The following ATP10B variants were observed in gnomAD, a reference collection of about 807,000 sequenced individuals.
ATP10B encodes phospholipid-transporting ATPase VB.
A neutral mutation model predicts 141.2 loss-of-function variants in ATP10B; 122 were observed. The observed-to-expected ratio is 0.86, with a 90% confidence interval of 0.75 to 1.00. ATP10B has a LOEUF of 1.00. Among genes scored for constraint, ATP10B ranks in the 50% least tolerant of loss-of-function variants. The pLI is 0.00. For missense variants in ATP10B, 1,876 were observed against 1,825.3 expected, an observed-to-expected ratio of 1.03 and a Z score of -0.51; for synonymous variants, 685 against 692.0, an observed-to-expected ratio of 0.99 and a Z score of 0.16.
chr5:160,624,458 A>G (rs1179685565), intron 13 of ATP10B, among the ~76,000 whole-genome samples: 3 of 152,242 alleles, frequency 2.0e-5, no homozygotes, highest in Non-Finnish European at 2.9e-5. Context: ...ACTTCCAGAA[A>G]AAAAGTCTAC....
At chr5:160,771,461 G>A (rs998888447) in intron 2 of ATP10B, among the ~76,000 whole-genome samples, 1 of 152,110 alleles carries the variant, frequency 6.6e-6, no homozygotes, top group Non-Finnish European at 1.5e-5. Flanking sequence ...TTCATGAGCT[G>A]CTAATAAAAG....
rs200715945 is a variant in ATP10B at position 160,565,641 on chromosome 5, C to T, written c.4198G>A (p.Glu1400Lys). 7.9e-5 allele frequency: 127 copies of T among 1,613,958 alleles called. No homozygotes were observed. Among genetic ancestry groups the T allele is most frequent in the Middle Eastern group, 1.6e-4 (1 of 6,082 alleles). Reference sequence around the variant, plus strand: ...ATGCACTCCGTGCCACATCTCTGTTCGTGGAGTACTGACTCTTCCACATGC... The same window carrying T: ...ATGCACTCCGTGCCACATCTCTGTTTGTGGAGTACTGACTCTTCCACATGC... ...RKHVEESVLH[E>K]QRCGTECMRD... The change falls in exon 26 of 26, where the codon GAA becomes AAA. Residue 1400 changes from glutamate to lysine, a missense_variant. Glu to Lys is a moderately conservative substitution (Grantham distance 56, BLOSUM62 1). Transcript: ENST00000327245.
intron 24 of ATP10B, among the ~76,000 whole-genome samples, chr5:160,577,800 A>AT (rs375933061): frequency 2.9e-4 from 44 of 149,278 alleles, no homozygotes; most frequent in Admixed American, 4.7e-4. Flanking sequence ...AAACTTTATG[A>AT]TTTTTTTTTT....
At chr5:160,567,912 G>A (rs1035939942) in intron 25 of ATP10B, among the ~76,000 whole-genome samples, 1 of 152,190 alleles carries the variant, frequency 6.6e-6, no homozygotes, top group Non-Finnish European at 1.5e-5. Flanking sequence ...TCTATTGGTA[G>A]TAGTGGCTGT....
At chr5:160,834,810 C>T (rs1041630994) in intron 1 of ATP10B, among the ~76,000 whole-genome samples, 6 of 152,054 alleles carry the variant, frequency 3.9e-5, no homozygotes, top group African/African-American at 1.2e-4. Flanking sequence ...ACATGACAGG[C>T]TTTTTCCTTG....
Position 160,852,130 on chromosome 5 carries a change from G to C in ATP10B, c.-765C>G, listed in dbSNP as rs189135955. On this transcript the variant is annotated 5_prime_UTR_variant, in exon 1 of 26. The change creates a new upstream start codon in the 5' untranslated region. Transcript: ENST00000327245. The stretch of plus-strand genomic sequence containing the variant: ...AACACTCCCTCAGAAACTTAGAGAA[G>C]ATGACACACTGAAAAGAAATAACTG... The C allele has an allele frequency of 6.6e-5, 10 of 152,234 alleles. No homozygotes were observed. In the East Asian group the frequency reaches 1.4e-3, roughly 21 times the overall value. The allele number at this position is 152,234 out of a possible 1,614,324, so 9.4% of individuals were successfully genotyped here. A position where few individuals can be genotyped will look rare whatever the true frequency, so the allele number is the denominator to read the frequency against.
At position 160,592,604 on chromosome 5, in the gene ATP10B, G is replaced by A. The variant is rs563403410; in HGVS notation, c.3565-1465C>T. Among the ~76,000 whole-genome samples the A allele has an allele frequency of 2.6e-5, 4 of 152,342 alleles. No individual in the cohort carries two copies. The East Asian group carries it at 5.8e-4, about 22-fold the overall frequency. Reference sequence around the variant, plus strand: ...GTGCACCATGCACGAGCCAAAGCAGGGCGAGGCATTGCCTCATTCGGGAAG... The same window carrying A: ...GTGCACCATGCACGAGCCAAAGCAGAGCGAGGCATTGCCTCATTCGGGAAG... On this transcript the variant is annotated intron_variant, in intron 22 of 25. Transcript: ENST00000327245.
chr5:160,680,282 C>T (rs1179430531), intron 6 of ATP10B, among the ~76,000 whole-genome samples: 1 of 150,642 alleles, frequency 6.6e-6, no homozygotes, highest in Non-Finnish European at 1.5e-5. Flanking sequence ...GATGTAATTT[C>T]TTATGTTGCT....
At chr5:160,801,213 G>T (rs1772351078) in intron 1 of ATP10B, among the ~76,000 whole-genome samples, 1 of 152,146 alleles carries the variant, frequency 6.6e-6, no homozygotes, top group Admixed American at 6.5e-5. Flanking sequence ...CCCTACTGGG[G>T]CTAAAATGAC....
chr5:160,655,278 A>G (rs1761404214), intron 7 of ATP10B, among the ~76,000 whole-genome samples: 1 of 152,024 alleles, frequency 6.6e-6, no homozygotes, highest in African/African-American at 2.4e-5. Flanking sequence ...TTTTATTTTT[A>G]AGCATTTAAA....
chr5:160,697,768 T>G (rs1764456429), intron 3 of ATP10B, among the ~76,000 whole-genome samples: 1 of 152,132 alleles, frequency 6.6e-6, no homozygotes, highest in African/African-American at 2.4e-5. Context: ...AATGGGCCTT[T>G]GTGGGAAAGG....
At chr5:160,927,820 G>T in the ATP10B span, among the ~76,000 whole-genome samples, 4 of 152,222 alleles carry the variant, frequency 2.6e-5, no homozygotes, top group Non-Finnish European at 2.9e-5. Context: ...ATTGTGATAG[G>T]CATTATGAAA....
chr5:160,718,903 G>A (rs1448509870), intron 2 of ATP10B, among the ~76,000 whole-genome samples: 2 of 152,146 alleles, frequency 1.3e-5, no homozygotes, highest in Non-Finnish European at 2.9e-5. Context: ...CGTGAACAGG[G>A]ACTACGTCTG....
At chr5:160,580,337 C>A (rs1755462614) in intron 24 of ATP10B, among the ~76,000 whole-genome samples, 1 of 152,148 alleles carries the variant, frequency 6.6e-6, no homozygotes, top group Non-Finnish European at 1.5e-5. Flanking sequence ...AGATACGTTC[C>A]ATCAATACCT....
chr5:160,822,148 C>T (rs1406064718), intron 1 of ATP10B, among the ~76,000 whole-genome samples: 1 of 151,902 alleles, frequency 6.6e-6, no homozygotes, highest in East Asian at 1.9e-4. Context: ...ATATAAGGAG[C>T]TCAAACAACT....
At chr5:160,610,932 G>A (rs1392816184) in intron 18 of ATP10B, among the ~76,000 whole-genome samples, 2 of 152,148 alleles carry the variant, frequency 1.3e-5, no homozygotes, top group Non-Finnish European at 2.9e-5. Context: ...ACCTAGCAAA[G>A]AGATAATAAT....
chr5:160,621,188 A>G (rs368714069), intron 14 of ATP10B, among the ~76,000 whole-genome samples: 2 of 152,210 alleles, frequency 1.3e-5, no homozygotes, highest in African/African-American at 4.8e-5. Context: ...AAGGGTTCAC[A>G]TTTCCTGAAC....
chr5:160,621,219 C>T (rs1268021024), intron 14 of ATP10B, among the ~76,000 whole-genome samples: 4 of 152,186 alleles, frequency 2.6e-5, no homozygotes, highest in African/African-American at 4.8e-5. Flanking sequence ...AATGCTTCTG[C>T]TTTATCTTTG....
At chr5:160,735,764 A>G (rs143027015) in intron 2 of ATP10B, among the ~76,000 whole-genome samples, 143 of 152,298 alleles carry the variant, frequency 9.4e-4, no homozygotes, top group East Asian at 5.2e-3. Flanking sequence ...AAGTCTTAAA[A>G]TATGCAAAAA....
Sources: allele counts gnomAD v4.1 joint callset (sites outside exome capture counted in the v4.1 genomes callset), GRCh38; gene constraint gnomAD v4.1.1; transcripts MANE v1.5; gene names NCBI Gene and HGNC (gene_info 2026-07-23, HGNC 2026-07-21).